The following PXDNL variants were observed in gnomAD, a reference collection of about 807,000 sequenced individuals.
The protein encoded by PXDNL is probable oxidoreductase PXDNL.
A neutral mutation model predicts 150.8 loss-of-function variants in PXDNL; 145 were observed. That is an observed-to-expected ratio of 0.96 (90% CI 0.84 to 1.10). PXDNL has a LOEUF of 1.10. Among genes scored for constraint, PXDNL ranks in the 50% least tolerant of loss-of-function variants. The pLI is 0.00. For synonymous variants in PXDNL, 757 were observed against 725.7 expected (o/e 1.04, Z -0.69); for missense variants, 2,087 against 1,873.9 (o/e 1.11, Z -2.10).
intron 8 of PXDNL, among the ~76,000 whole-genome samples, chr8:51,470,558 A>G (rs758264864): frequency 6.6e-5 from 10 of 152,146 alleles, no homozygotes; most frequent in Non-Finnish European, 1.0e-4. Flanking sequence ...TCCAAGTGCT[A>G]TCGTTGAATT....
chr8:51,378,863 C>T (rs950343476), intron 17 of PXDNL, among the ~76,000 whole-genome samples: 10 of 152,300 alleles, frequency 6.6e-5, no homozygotes, highest in African/African-American at 2.2e-4. Flanking sequence ...GTTCGAACAT[C>T]AGAAGGAACA....
rs1424016252 is a variant in PXDNL at position 51,583,243 on chromosome 8, G to C, written c.308+9384C>G. Among the ~76,000 whole-genome samples, 6 of 152,174 alleles carry C rather than the reference G, an allele frequency of 3.9e-5. No homozygotes were observed. In the East Asian group the frequency reaches 5.8e-4, roughly 15 times the overall value. On this transcript the variant is annotated intron_variant, in intron 3 of 22. Transcript: ENST00000356297. ...GCTCCCAGTTCAGCAGGTTGTATGA[G>C]GAACATGGCGCCAGCATCTGCTTGG...
At chr8:51,644,264 T>G (rs1814851397) in intron 2 of PXDNL, among the ~76,000 whole-genome samples, 1 of 142,234 alleles carries the variant, frequency 7.0e-6, no homozygotes, top group Non-Finnish European at 1.6e-5. Context: ...CAGTCTCTAA[T>G]AGTCTGGGTG....
At chr8:51,407,970 AC>A in intron 17 of PXDNL, 96 bp downstream of exon 17, 1 of 982,384 alleles carries the variant, frequency 1.0e-6, no homozygotes, top group Non-Finnish European at 1.5e-6. Context: ...GCTCTGCAGC[AC>A]CCCCAGGGAA....
At chr8:51,754,228 A>G (rs528404589) in intron 1 of PXDNL, among the ~76,000 whole-genome samples, 112 of 152,306 alleles carry the variant, frequency 7.4e-4, no homozygotes, top group East Asian at 2.7e-3. Flanking sequence ...TATTCATACT[A>G]ATCTCTTAAA....
intron 8 of PXDNL, among the ~76,000 whole-genome samples, chr8:51,464,220 T>C (rs908841327): frequency 3.3e-5 from 5 of 151,966 alleles, no homozygotes; most frequent in Non-Finnish European, 7.4e-5. Context: ...AAATATTAGC[T>C]GGGTGTGCTG....
intron 3 of PXDNL, among the ~76,000 whole-genome samples, chr8:51,558,287 T>C (rs763243630): frequency 4.6e-5 from 7 of 152,050 alleles, no homozygotes; most frequent in Non-Finnish European, 5.9e-5. Flanking sequence ...GACTAGACAT[T>C]GAGATTCTTC....
chr8:51,344,498 T>G (rs2130696889), intron 20 of PXDNL, among the ~76,000 whole-genome samples: 1 of 152,268 alleles, frequency 6.6e-6, no homozygotes, highest in South Asian at 2.1e-4. Flanking sequence ...TATCAAAATC[T>G]TAGCTTATCC....
chr8:51,394,240 T>C (rs1206534540), intron 17 of PXDNL, among the ~76,000 whole-genome samples: 1 of 152,206 alleles, frequency 6.6e-6, no homozygotes, highest in East Asian at 1.9e-4. Flanking sequence ...AGAGGTGATA[T>C]ATGTCACAAA....
At chr8:51,423,926 TTC>T (rs548908903) in intron 13 of PXDNL, among the ~76,000 whole-genome samples, 195 bp from the exon 14 acceptor site, 286 of 152,296 alleles carry the variant, frequency 1.9e-3, no homozygotes, top group African/African-American at 6.5e-3. Flanking sequence ...AGTGTGGTTT[TTC>T]TCTCTCTCTA....
At chr8:51,515,932 A>G (rs1811525116) in intron 4 of PXDNL, among the ~76,000 whole-genome samples, 1 of 152,182 alleles carries the variant, frequency 6.6e-6, no homozygotes, top group Admixed American at 6.5e-5. Context: ...TTTTATATTA[A>G]TAAAGATATA....
At chr8:51,423,812 A>C (rs2129738715) in intron 13 of PXDNL, 81 bp from the exon 14 acceptor site, 1 of 1,339,160 alleles carries the variant, frequency 7.5e-7, no homozygotes, top group Admixed American at 2.3e-5. Context: ...ATGTGGGTTC[A>C]TTTATTCAAC....
intron 1 of PXDNL, among the ~76,000 whole-genome samples, chr8:51,776,448 T>C (rs943094152): frequency 6.6e-6 from 1 of 152,142 alleles, no homozygotes; most frequent in African/African-American, 2.4e-5. Flanking sequence ...ACTCTTTCCA[T>C]TTATTTCTCA....
chr8:51,347,943 A>G (rs989440770), intron 19 of PXDNL, among the ~76,000 whole-genome samples: 2 of 152,228 alleles, frequency 1.3e-5, no homozygotes, highest in African/African-American at 2.4e-5. Context: ...GAATACAACT[A>G]AAGAAAGTGA....
At chr8:51,781,235 T>A (rs928276775) in intron 1 of PXDNL, among the ~76,000 whole-genome samples, 3 of 152,206 alleles carry the variant, frequency 2.0e-5, no homozygotes, top group Non-Finnish European at 2.9e-5. Flanking sequence ...GAATGTTTTC[T>A]ACAGTGAAAA....
intron 8 of PXDNL, 51 bp downstream of exon 8, chr8:51,472,136 T>C (rs1810352844): frequency 3.3e-6 from 4 of 1,202,022 alleles, no homozygotes; most frequent in African/African-American, 1.5e-5. Context: ...GTTAAAAAGA[T>C]TGCTGGAATC....
intron 9 of PXDNL, among the ~76,000 whole-genome samples, 152 bp from the exon 10 acceptor site, chr8:51,453,937 G>C (rs1809869465): frequency 6.6e-6 from 1 of 151,410 alleles, no homozygotes; most frequent in African/African-American, 2.4e-5. Context: ...TTAATTCCCA[G>C]AAAATTAAAT....
At chr8:51,378,925 C>T (rs1264918975) in intron 17 of PXDNL, among the ~76,000 whole-genome samples, 1 of 152,182 alleles carries the variant, frequency 6.6e-6, no homozygotes, top group Non-Finnish European at 1.5e-5. Flanking sequence ...CGAGGGTCTG[C>T]GACTTCATTC....
In PXDNL at chr8:51,389,556, G is replaced by A. The variant is rs573925049; in HGVS notation, c.3558-14825C>T. Among the ~76,000 whole-genome samples, 119 of 152,238 alleles carry A rather than the reference G, an allele frequency of 7.8e-4. 2 individuals carry two copies. In the South Asian group the frequency reaches 0.023, roughly 30 times the overall value. ...GATTCTGTATCCCCTTACCCTGTGT[G>A]GGTACTAAAACCTCAACTTCTGATC... On this transcript the variant is annotated intron_variant, in intron 17 of 22. Transcript: ENST00000356297.
Sources: allele counts gnomAD v4.1 joint callset (sites outside exome capture counted in the v4.1 genomes callset), GRCh38; gene constraint gnomAD v4.1.1; transcripts MANE v1.5; gene names NCBI Gene and HGNC (gene_info 2026-07-23, HGNC 2026-07-21).